Variants in VPS13D observed in about 807,000 individuals in gnomAD.
VPS13D encodes vacuolar protein sorting 13 homolog D.
A neutral mutation model predicts 461.9 loss-of-function variants in VPS13D; 187 were observed. The ratio of observed to expected loss-of-function variants is 0.40; its 90% CI spans 0.36 to 0.46. VPS13D has a LOEUF of 0.46. Among genes scored for constraint, VPS13D ranks in the 20% least tolerant of loss-of-function variants. VPS13D has a pLI of 0.60. For synonymous variants in VPS13D, 1,951 were observed against 1,986.3 expected, an observed-to-expected ratio of 0.98 and a Z score of 0.47; for missense variants, 4,711 against 5,364.9, an observed-to-expected ratio of 0.88 and a Z score of 3.81.
At chr1:12,257,498 A>C (rs977901524) in intron 9 of VPS13D, among the ~76,000 whole-genome samples, 1 of 152,186 alleles carries the variant, frequency 6.6e-6, no homozygotes, top group Non-Finnish European at 1.5e-5. Context: ...TCCTGTTTTC[A>C]TGTTGCAGTG....
rs753795620 is a variant in VPS13D at position 12,508,998 on chromosome 1, C to T, written c.13141C>T (p.Arg4381Ter). 8 of 1,614,136 alleles carry T rather than the reference C, an allele frequency of 5.0e-6. No individual in the cohort carries two copies. The highest frequency in any genetic ancestry group is 2.2e-5 in the East Asian group (1 of 44,886). ...GCTTATGTTAAGACTCAGCGAAAAC[C>T]GAGAGCAGCTGGAGCTGGACTCCTG... ...QQLMLRLSENREQLELDS is the reference protein window; with the variant it reads ...QQLMLRLSEN The change falls in exon 70 of 70, where the codon CGA (arginine) becomes TGA (stop). Residue 4381 changes from arginine (R) to a stop codon, truncating the protein, a stop_gained. Transcript: ENST00000620676. LOFTEE classifies it high-confidence loss of function.
In VPS13D at chr1:12,342,960, G is replaced by C. The variant is rs184784701; in HGVS notation, c.8794G>C (p.Asp2932His). 1 of 1,613,862 alleles carries C rather than the reference G, an allele frequency of 6.2e-7. No individual in the cohort carries two copies. The highest frequency in any genetic ancestry group is 1.1e-5 in the South Asian group (1 of 91,052). The change falls in exon 42 of 70, where the codon GAT becomes CAT. Residue 2932 changes from aspartate to histidine, a missense_variant. This residue lies in a region of VPS13D where 4,411 missense variants were observed against 4,937.8 expected (regional missense o/e 0.89). Coordinates refer to ENST00000620676, the MANE Select transcript of VPS13D (RefSeq NM_015378.4). ...VVPEGNGTFL[D>H]DTHNVSEWRE... ...TCCAGAAGGGAACGGAACATTTCTC[G>C]ATGATACTCACAATGTTAGTGAATG...
rs145616617 is a variant in VPS13D at position 12,452,892 on chromosome 1, C to T, written c.12334-3106C>T. Among the ~76,000 whole-genome samples the T allele has an allele frequency of 3.9e-4, 60 of 152,296 alleles. No homozygotes were observed. The East Asian group carries it at 7.7e-3, about 20-fold the overall frequency. ...TTGACTGTTAACAAGTGGCAAAGGA[C>T]AAGTCCAGTTGGCTTGCATAAGCAA... On this transcript the variant is annotated intron_variant, in intron 65 of 69. Transcript: ENST00000620676.
At chr1:12,336,286 G>A in intron 39 of VPS13D, 1 of 165,438 alleles carries the variant, frequency 6.0e-6, no homozygotes, top group Non-Finnish European at 1.3e-5. Context: ...TGTGGAAAAA[G>A]TTGTTAAAAA....
In VPS13D at chr1:12,319,575, C is replaced by T. The variant is rs1436456143; in HGVS notation, c.7493C>T (p.Thr2498Ile). Residue 2498 changes from threonine (T) to isoleucine (I), a missense_variant, in exon 32 of 70, where the codon ACC becomes ATC. Thr to Ile is a moderately conservative substitution (Grantham distance 89, BLOSUM62 -1). Transcript: ENST00000620676. ...ATTCTGAAAGGCACCACAGTGCTCA[C>T]CTATAAGCCCCGGTTTGTTGATCGC... ...AIILKGTTVL[T>I]YKPRFVDRPF... The T allele has an allele frequency of 6.2e-7, 1 of 1,614,198 alleles. No homozygotes were observed. Among genetic ancestry groups the T allele is most frequent in the Non-Finnish European group, 8.5e-7 (1 of 1,180,040 alleles).
At chr1:12,492,146 C>A (rs960104377) in intron 67 of VPS13D, among the ~76,000 whole-genome samples, 1 of 152,240 alleles carries the variant, frequency 6.6e-6, no homozygotes, top group African/African-American at 2.4e-5. Context: ...AACAAAGCCA[C>A]CAGGGAGGCC....
Position 12,511,021 on chromosome 1 carries a change from A to T in VPS13D, c.*1997A>T, listed in dbSNP as rs1646175595. ...TTGAAATCTCTTGATGAGATTAAGG[A>T]GTTTAGTGTTACTAAGAAAATCTGC... On this transcript the variant is annotated 3_prime_UTR_variant, in exon 70 of 70. Coordinates refer to ENST00000620676, the MANE Select transcript of VPS13D (RefSeq NM_015378.4). The surrounding 1 kb of genome is among the most constrained non-coding windows in gnomAD (Gnocchi z 4.5). 1.3e-5 allele frequency: 2 copies of T among 152,194 alleles called. No homozygotes were observed. Among genetic ancestry groups the T allele is most frequent in the African/African-American group, 2.4e-5 (1 of 41,426 alleles). The allele number at this position is 152,194 out of a possible 1,614,324, so 9.4% of individuals were successfully genotyped here. A position where few individuals can be genotyped will look rare whatever the true frequency, so the allele number is the denominator to read the frequency against.
chr1:12,312,901 G>A (rs1253391728), intron 29 of VPS13D, among the ~76,000 whole-genome samples: 1 of 152,140 alleles, frequency 6.6e-6, no homozygotes, highest in Non-Finnish European at 1.5e-5. Flanking sequence ...CTTGAAATGG[G>A]GCATATGCTT....
At chr1:12,327,921 C>CT (rs368337255) in intron 36 of VPS13D, 67 bp downstream of exon 36, 51,260 of 1,154,374 alleles carry the variant, frequency 0.044, 131 homozygotes, top group African/African-American at 0.076. Flanking sequence ...TATTTGGGGC[C>CT]TTTTTTTTTT....
At position 12,363,107 on chromosome 1, in the gene VPS13D, T is replaced by A. The variant is rs771202005; in HGVS notation, c.10308T>A (p.Leu3436=). The change falls in exon 52 of 70, where the codon CTT becomes CTA. Residue 3436 remains leucine (L), a synonymous_variant. Transcript: ENST00000620676. ...TANPEGYIST[L]PGSSVVFHWP... ...ATCCCGAAGGTTACATTTCCACCCT[T>A]CCTGGTTCCAGTGTGGTGTTCCACT... The A allele has an allele frequency of 6.2e-7, 1 of 1,614,082 alleles. No homozygotes were observed. Among genetic ancestry groups the A allele is most frequent in the Non-Finnish European group, 8.5e-7 (1 of 1,180,048 alleles).
chr1:12,505,599 C>G lies in VPS13D; in HGVS notation c.12795-1254C>G, dbSNP rs1485057629. ...AAGACACGGGGCTGTGAGATATGGA[C>G]TCCACTTAGAGGGCTCACCTCGTAG... On this transcript the variant is annotated intron_variant, in intron 68 of 69. Transcript: ENST00000620676. The surrounding 1 kb of genome is among the most constrained non-coding windows in gnomAD (Gnocchi z 4.2). 6.6e-6 allele frequency among the ~76,000 whole-genome samples: 1 copy of G among 152,220 alleles called. No homozygotes were observed. The highest frequency in any genetic ancestry group is 2.4e-5 in the African/African-American group (1 of 41,452).
chr1:12,291,516 G>T (rs964919010), intron 23 of VPS13D, among the ~76,000 whole-genome samples: 1 of 152,184 alleles, frequency 6.6e-6, no homozygotes, highest in Non-Finnish European at 1.5e-5. Context: ...CTAGCTACTT[G>T]AGAGGCTGAG....
chr1:12,281,798 C>G (rs1279188145), intron 20 of VPS13D, among the ~76,000 whole-genome samples: 1 of 152,082 alleles, frequency 6.6e-6, no homozygotes, highest in African/African-American at 2.4e-5. Flanking sequence ...AAAATGGTCA[C>G]TTTTTCTAAT....
chr1:12,385,353 G>T lies in VPS13D; in HGVS notation c.11464G>T (p.Asp3822Tyr). The change falls in exon 59 of 70, where the codon GAT becomes TAT. Residue 3822 changes from aspartate to tyrosine, a missense_variant. Physicochemically the swap from Asp to Tyr is radical, Grantham distance 160. Around this residue, in one of 3 missense-constraint regions of VPS13D, gnomAD observed 4,411 missense variants for 4,937.8 expected, o/e 0.89. Transcript: ENST00000620676. ...EQELQKLKNP[D>Y]TEQELEVLVR... ...AGAGCTGCAGAAATTAAAGAATCCA[G>T]ATACAGAGCAGGAATTGGAAGTAAG... 1 of 1,613,542 alleles carries T rather than the reference G, an allele frequency of 6.2e-7. No homozygotes were observed. Among genetic ancestry groups the T allele is most frequent in the Non-Finnish European group, 8.5e-7 (1 of 1,179,722 alleles).
At chr1:12,298,396 T>C (rs1423767374) in intron 24 of VPS13D, among the ~76,000 whole-genome samples, 1 of 152,160 alleles carries the variant, frequency 6.6e-6, no homozygotes, top group Non-Finnish European at 1.5e-5. Flanking sequence ...TCCCAGCACT[T>C]TGGGAGGCCA....
intron 65 of VPS13D, among the ~76,000 whole-genome samples, chr1:12,419,678 A>G (rs1478578331): frequency 6.6e-6 from 1 of 152,186 alleles, no homozygotes; most frequent in African/African-American, 2.4e-5. Flanking sequence ...TCCATTCATA[A>G]GAAATCCACC....
chr1:12,433,738 T>G (rs1645022915), intron 65 of VPS13D, among the ~76,000 whole-genome samples: 1 of 152,140 alleles, frequency 6.6e-6, no homozygotes, highest in Non-Finnish European at 1.5e-5. Context: ...ACCAAACTCA[T>G]CAGGCATCTG....
At chr1:12,497,347 A>C (rs117846601) in intron 67 of VPS13D, 153 bp from the exon 68 acceptor site, 11,740 of 800,540 alleles carry the variant, frequency 0.015, 301 homozygotes, top group Admixed American at 0.11. Context: ...CCGCTATTTC[A>C]TGGTGTATTC....
At chr1:12,493,109 T>C (rs938240369) in intron 67 of VPS13D, among the ~76,000 whole-genome samples, 2 of 116,198 alleles carry the variant, frequency 1.7e-5, no homozygotes, top group Admixed American at 1.9e-4. Context: ...TTATTTCAAA[T>C]AAATAAAGAG....
Sources: allele counts gnomAD v4.1 joint callset (sites outside exome capture counted in the v4.1 genomes callset), GRCh38; gene constraint gnomAD v4.1.1; regional missense constraint gnomAD v4.1.1; non-coding constraint Gnocchi (gnomAD v3.1); transcripts MANE v1.5; gene names NCBI Gene and HGNC (gene_info 2026-07-23, HGNC 2026-07-21).